GOLGA4: variants seen among roughly 807,000 people sequenced by gnomAD.
GOLGA4 encodes the protein golgin A4.
Under a neutral mutation model 265.9 loss-of-function variants are expected in GOLGA4, and 169 were observed. The observed-to-expected ratio is 0.64, with a 90% confidence interval of 0.56 to 0.72. GOLGA4 has a LOEUF of 0.72. Ranked by LOEUF, GOLGA4 falls within the 30% of genes least tolerant of loss-of-function variation. The pLI, the probability that GOLGA4 is intolerant of heterozygous loss-of-function variation, is 0.00. For synonymous variants in GOLGA4, 923 were observed against 855.8 expected (o/e 1.08, Z -1.37); for missense variants, 2,482 against 2,483.4 (o/e 1.00, Z 0.01).
intron 2 of GOLGA4, among the ~76,000 whole-genome samples, chr3:37,260,801 A>G (rs1328871371): frequency 1.3e-5 from 2 of 152,156 alleles, no homozygotes; most frequent in Admixed American, 1.3e-4. Context: ...ATGAGTGAAA[A>G]GGAATCTAAA....
At chr3:37,303,887 C>T (rs1306296094) in intron 10 of GOLGA4, among the ~76,000 whole-genome samples, 2 of 152,168 alleles carry the variant, frequency 1.3e-5, no homozygotes, top group African/African-American at 4.8e-5. Flanking sequence ...ACTTGTATTG[C>T]ATCCTCACAA....
chr3:37,295,727 G>C (rs936306763), intron 6 of GOLGA4, among the ~76,000 whole-genome samples: 1 of 152,138 alleles, frequency 6.6e-6, no homozygotes, highest in Non-Finnish European at 1.5e-5. Flanking sequence ...ATGTGTTTTT[G>C]TATGTGTGGA....
At chr3:37,295,201 G>A in intron 6 of GOLGA4, 124 bp downstream of exon 6, 1 of 532,374 alleles carries the variant, frequency 1.9e-6, no homozygotes, top group Non-Finnish European at 3.3e-6. Flanking sequence ...AAAACTTTTT[G>A]CTTTCCTCAA....
At chr3:37,257,898 T>C (rs6778387) in intron 2 of GOLGA4, among the ~76,000 whole-genome samples, 71,766 of 92,620 alleles carry the variant, frequency 0.77, 28,329 homozygotes, top group Middle Eastern at 0.88. Flanking sequence ...TATATACATA[T>C]ATATATATAT....
rs1375290747 is a variant in GOLGA4, at chr3:37,362,780, C to CCTTTTTTTTTTTTTTTTTTTTTT, written c.*33+1475_*33+1476insCTTTTTTTTTTTTTTTTTTTTTT. The stretch of plus-strand genomic sequence containing the variant: ...CGATCTTCCTACCTCAGCCTCTAAG[C>CCTTTTTTTTTTTTTTTTTTTTTT]TTTTTTTTTTTTTTTTTTTTGAGAC... On this transcript the variant is annotated intron_variant, in intron 23 of 23. Transcript: ENST00000361924. Among the ~76,000 whole-genome samples the CCTTTTTTTTTTTTTTTTTTTTTT allele has an allele frequency of 5.2e-4, 39 of 75,452 alleles. 1 individual carries two copies. Among genetic ancestry groups the CCTTTTTTTTTTTTTTTTTTTTTT allele is most frequent in the Middle Eastern group, 7.8e-3 (1 of 128 alleles). The allele number at this position is 75,452 out of a possible 152,430, so 49.5% of individuals were successfully genotyped here.
intron 2 of GOLGA4, among the ~76,000 whole-genome samples, chr3:37,272,382 C>T (rs1179098744): frequency 6.6e-6 from 1 of 151,958 alleles, no homozygotes; most frequent in African/African-American, 2.4e-5. Context: ...ACAAAAAGTA[C>T]AAAAATTAGC....
At chr3:37,279,023 GT>G (rs1481849164) in intron 2 of GOLGA4, among the ~76,000 whole-genome samples, 1 of 152,018 alleles carries the variant, frequency 6.6e-6, no homozygotes, top group Non-Finnish European at 1.5e-5. Flanking sequence ...TGATTGTTGA[GT>G]TTAGCAAATT....
rs1369969328 is a variant in GOLGA4, at chr3:37,325,511, C to G, written c.3625C>G (p.Leu1209Val). The G allele has an allele frequency of 1.2e-6, 2 of 1,613,760 alleles. No homozygotes were observed. Among genetic ancestry groups the G allele is most frequent in the East Asian group, 2.2e-5 (1 of 44,856 alleles). The change falls in exon 14 of 24, where the codon CTG (leucine) becomes GTG (valine). Residue 1209 changes from leucine (L) to valine (V), a missense_variant. By Grantham distance (32) the Leu-to-Val change is conservative. Coordinates refer to ENST00000361924, the MANE Select transcript of GOLGA4 (RefSeq NM_002078.5). Reference sequence around the variant, plus strand: ...GGACAAGAGCTTGGAATTTAAAAAACTGTCTGAGGAACTAGCGATTCAGCT... The same window carrying G: ...GGACAAGAGCTTGGAATTTAAAAAAGTGTCTGAGGAACTAGCGATTCAGCT... ...LEDKSLEFKK[L>V]SEELAIQLDI...
intron 22 of GOLGA4, among the ~76,000 whole-genome samples, chr3:37,357,790 C>T (rs1293018219): frequency 1.3e-5 from 2 of 152,132 alleles, no homozygotes; most frequent in East Asian, 1.9e-4. Flanking sequence ...CTCGCTAGAA[C>T]AAAACACAGG....
intron 2 of GOLGA4, among the ~76,000 whole-genome samples, chr3:37,264,896 T>A (rs1335250720): frequency 6.6e-6 from 1 of 152,104 alleles, no homozygotes; most frequent in South Asian, 2.1e-4. Context: ...GGTTTTGTTA[T>A]GTTGTCCAGG....
chr3:37,243,488 G>T lies in GOLGA4; in HGVS notation c.-63G>T. ...GAAGTCGCCGTAGCCGTCGCGGCCGGGACTCCCCGGGCTCTCGCCCTTCAG... is the reference window on the plus strand; with the variant it reads ...GAAGTCGCCGTAGCCGTCGCGGCCGTGACTCCCCGGGCTCTCGCCCTTCAG... On this transcript the variant is annotated 5_prime_UTR_variant, in exon 1 of 24. Coordinates refer to ENST00000361924, the MANE Select transcript of GOLGA4 (RefSeq NM_002078.5). The T allele has an allele frequency of 6.9e-7, 1 of 1,457,366 alleles. No homozygotes were observed. The highest frequency in any genetic ancestry group is 1.7e-5 in the Admixed American group (1 of 59,342). The allele number at this position is 1,457,366 out of a possible 1,614,324, so 90.3% of individuals were successfully genotyped here.
At position 37,275,907 on chromosome 3, in the gene GOLGA4, C is replaced by T; in HGVS notation, c.163-6051C>T. 3.1e-6 allele frequency: 5 copies of T among 1,613,704 alleles called. No individual in the cohort carries two copies. The East Asian group carries it at 8.9e-5, about 29-fold the overall frequency. ...TCTTTGGCAAAGTCTCTCATCAAAT[C>T]CTGGAAAAAATTATTAGATGGGCCA... On this transcript the variant is annotated intron_variant, in intron 2 of 23. Coordinates refer to ENST00000361924, the MANE Select transcript of GOLGA4 (RefSeq NM_002078.5).
chr3:37,288,293 T>C (rs1467285845), intron 4 of GOLGA4, among the ~76,000 whole-genome samples: 1 of 148,720 alleles, frequency 6.7e-6, no homozygotes, highest in African/African-American at 2.5e-5. Flanking sequence ...TTTTTTTAAG[T>C]AGAGATGGGG....
At chr3:37,320,183 T>A (rs905522085) in intron 12 of GOLGA4, 17 of 152,062 alleles carry the variant, frequency 1.1e-4, no homozygotes, top group African/African-American at 4.1e-4. Context: ...AAAGATTTTT[T>A]AAAATAGCAT....
At chr3:37,256,531 G>A (rs1274822160) in intron 2 of GOLGA4, among the ~76,000 whole-genome samples, 1 of 152,018 alleles carries the variant, frequency 6.6e-6, no homozygotes. Flanking sequence ...GCAGAGGAGA[G>A]TAGACTGAAT....
Position 37,296,538 on chromosome 3 carries a change from C to G in GOLGA4, c.814+319C>G, listed in dbSNP as rs114307552. 9.6e-3 allele frequency among the ~76,000 whole-genome samples: 1,454 copies of G among 152,066 alleles called. 36 individuals carry two copies. Among genetic ancestry groups the G allele is most frequent in the African/African-American group, 0.033 (1,365 of 41,476 alleles). Reference sequence around the variant, plus strand: ...AAGGGTTTGTTTTGTTTTTTTGGTTCTTTGTTGTTATTTAGGAGAAAATAA... The same window carrying G: ...AAGGGTTTGTTTTGTTTTTTTGGTTGTTTGTTGTTATTTAGGAGAAAATAA... On this transcript the variant is annotated intron_variant, in intron 7 of 23. Coordinates refer to ENST00000361924, the MANE Select transcript of GOLGA4 (RefSeq NM_002078.5).
Position 37,299,387 on chromosome 3 carries a change from C to T in GOLGA4, c.1086+16C>T. On this transcript the variant is annotated intron_variant, in intron 9 of 23. Coordinates refer to ENST00000361924, the MANE Select transcript of GOLGA4 (RefSeq NM_002078.5). ...ACAAGATAAGGTAAAACAACAAAAC[C>T]TATGATACTAAAATTTGTCAAGAGG... The T allele has an allele frequency of 1.3e-6, 2 of 1,534,126 alleles. No individual in the cohort carries two copies. The highest frequency in any genetic ancestry group is 2.3e-5 in the South Asian group (2 of 85,726).
chr3:37,328,268 A>ACACACACACACT (rs1491545801), intron 14 of GOLGA4, 148 bp from the exon 15 acceptor site: 16 of 676,452 alleles, frequency 2.4e-5, no homozygotes, highest in Non-Finnish European at 2.6e-5. Flanking sequence ...ACACACACAC[A>ACACACACACACT]CTCACTCTCA....
chr3:37,337,656 G>A lies in GOLGA4; in HGVS notation c.6328-10G>A. 6.3e-7 allele frequency: 1 copy of A among 1,596,086 alleles called. No homozygotes were observed. Among genetic ancestry groups the A allele is most frequent in the South Asian group, 1.1e-5 (1 of 90,726 alleles). On this transcript the variant is annotated splice_polypyrimidine_tract_variant and intron_variant, in intron 18 of 23. Transcript: ENST00000361924. ...ATGTGCATTTCAGATCTGACTTTTT[G>A]TTCTTTCAGACACAGCTAGCACAGA... is the stretch of plus-strand genomic sequence containing the variant.
Sources: gnomAD v4.1 joint callset for allele counts (sites outside exome capture counted in the v4.1 genomes callset) on GRCh38, gnomAD v4.1.1 for gene constraint, MANE v1.5 for transcripts, NCBI Gene and HGNC (gene_info 2026-07-23, HGNC 2026-07-21) for gene names.